The following PTPRM variants were observed in gnomAD, a reference collection of about 807,000 sequenced individuals.
The protein encoded by PTPRM is receptor-type tyrosine-protein phosphatase mu.
In PTPRM, 47 loss-of-function variants were observed where a neutral mutation model predicts 186.7. The ratio of observed to expected loss-of-function variants is 0.25; its 90% confidence interval spans 0.20 to 0.32. The LOEUF (loss-of-function observed/expected upper bound fraction) is 0.32. Ranked by LOEUF, PTPRM falls within the 10% of genes least tolerant of loss-of-function variation. The pLI, the probability that PTPRM is intolerant of heterozygous loss-of-function variation, is 1.00. For missense variants in PTPRM, 1,494 were observed against 1,865.0 expected (o/e 0.80, Z 3.66); for synonymous variants, 668 against 674.9 (o/e 0.99, Z 0.16).
At chr18:7,945,253 A>G (rs918183659) in intron 5 of PTPRM, among the ~76,000 whole-genome samples, 1 of 150,826 alleles carries the variant, frequency 6.6e-6, no homozygotes, top group Non-Finnish European at 1.5e-5. Flanking sequence ...GGAGATTGAG[A>G]CCATCCTGGT....
At chr18:8,030,515 G>T (rs1399277952) in intron 7 of PTPRM, among the ~76,000 whole-genome samples, 1 of 152,180 alleles carries the variant, frequency 6.6e-6, no homozygotes, top group Non-Finnish European at 1.5e-5. Context: ...CTTAGTGCGT[G>T]TTCCGATAGT....
At chr18:7,656,483 G>A (rs2038851844) in intron 1 of PTPRM, among the ~76,000 whole-genome samples, 1 of 152,064 alleles carries the variant, frequency 6.6e-6, no homozygotes, top group South Asian at 2.1e-4. Context: ...TGTTTTGCGG[G>A]GATGAAAAGA....
intron 13 of PTPRM, among the ~76,000 whole-genome samples, chr18:8,130,383 C>T (rs1264733799): frequency 1.3e-5 from 2 of 152,174 alleles, no homozygotes; most frequent in African/African-American, 4.8e-5. Flanking sequence ...CAAGGCCAAG[C>T]ATGGTGCATC....
At chr18:8,309,448 AC>A (rs1454137093) in intron 20 of PTPRM, among the ~76,000 whole-genome samples, 4 of 152,228 alleles carry the variant, frequency 2.6e-5, no homozygotes, top group African/African-American at 9.6e-5. Context: ...ATATATTTAT[AC>A]TATTATTTTC....
chr18:8,035,209 T>C (rs1208199050), intron 7 of PTPRM, among the ~76,000 whole-genome samples: 3 of 152,212 alleles, frequency 2.0e-5, no homozygotes, highest in African/African-American at 7.2e-5. Context: ...CATTTTATTA[T>C]AAGCAGCAAT....
intron 7 of PTPRM, among the ~76,000 whole-genome samples, chr18:8,064,377 A>AT (rs35837245): frequency 0.49 from 72,786 of 148,410 alleles, 17,629 homozygotes; most frequent in Non-Finnish European, 0.53. Context: ...CTGTAAGACT[A>AT]TTTTTTTTTT....
At chr18:8,132,820 T>G (rs1168258957) in intron 13 of PTPRM, among the ~76,000 whole-genome samples, 2 of 152,206 alleles carry the variant, frequency 1.3e-5, no homozygotes, top group African/African-American at 2.4e-5. Context: ...TTGCCACTAG[T>G]ATTTATTTCC....
rs143190070 is a variant in PTPRM, at chr18:8,299,479, C to T, written c.2842+3024C>T. On this transcript the variant is annotated intron_variant, in intron 20 of 32. Coordinates refer to ENST00000580170, the MANE Select transcript of PTPRM (RefSeq NM_001105244.2). ...GCATGTGCCTGTAATCCCAGCTACT[C>T]GGGAGGCTGAGGCAAGAGAATTGCT... 2.8e-3 allele frequency among the ~76,000 whole-genome samples: 419 copies of T among 151,766 alleles called. 4 individuals are homozygous for T. Among genetic ancestry groups the T allele is most frequent in the South Asian group, 0.014 (67 of 4,794 alleles).
Position 8,069,954 on chromosome 18 carries a change from G to A in PTPRM, c.1401G>A (p.Arg467=), listed in dbSNP as rs2089358229. ...TGATCCTCATGAACCCAGAGGGCCG[G>A]AAGGAAAGCCAAGAACTCATAGTGC... ...VKLILMNPEG[R]KESQELIVQT... is the part of the protein sequence containing the mutation. Residue 467 remains arginine, a synonymous_variant, in exon 8 of 33, where the codon CGG becomes CGA. Transcript: ENST00000580170. 1 of 1,613,910 alleles carries A rather than the reference G, an allele frequency of 6.2e-7. No individual in the cohort carries two copies. Among genetic ancestry groups the A allele is most frequent in the Non-Finnish European group, 8.5e-7 (1 of 1,179,942 alleles).
At chr18:8,265,897 G>C (rs1193930311) in intron 19 of PTPRM, among the ~76,000 whole-genome samples, 1 of 152,120 alleles carries the variant, frequency 6.6e-6, no homozygotes, top group East Asian at 1.9e-4. Context: ...AGTTTCATGG[G>C]CGTATTCTCA....
intron 1 of PTPRM, among the ~76,000 whole-genome samples, chr18:7,677,480 A>G (rs2039371579): frequency 6.6e-6 from 1 of 152,164 alleles, no homozygotes; most frequent in South Asian, 2.1e-4. Context: ...CAGAAGGGCC[A>G]CTGTTTACAG....
intron 11 of PTPRM, among the ~76,000 whole-genome samples, chr18:8,098,542 T>A (rs1000980726): frequency 2.0e-5 from 3 of 152,146 alleles, no homozygotes; most frequent in Non-Finnish European, 4.4e-5. Flanking sequence ...AAAAGTTAAA[T>A]ATCATGAACC....
At chr18:8,301,445 C>A (rs867666298) in intron 20 of PTPRM, among the ~76,000 whole-genome samples, 1 of 152,172 alleles carries the variant, frequency 6.6e-6, no homozygotes, top group Non-Finnish European at 1.5e-5. Flanking sequence ...AATCTCCCTG[C>A]TAACGAGGCA....
chr18:7,625,363 C>T (rs1276431497), intron 1 of PTPRM, among the ~76,000 whole-genome samples: 1 of 152,114 alleles, frequency 6.6e-6, no homozygotes, highest in African/African-American at 2.4e-5. Flanking sequence ...TTTTAAAAGT[C>T]AAGTTGCCCA....
rs534980886 is a variant in PTPRM at position 7,586,105 on chromosome 18, T to C, written c.73+18214T>C. ...AGCAAAGTGGCCAAGATCAGGCAAA[T>C]TGTAAGGGTAGAGCTGAGATTTGAA... On this transcript the variant is annotated intron_variant, in intron 1 of 32. Transcript: ENST00000580170. Among the ~76,000 whole-genome samples, 14 of 152,310 alleles carry C rather than the reference T, an allele frequency of 9.2e-5. No homozygotes were observed. In the South Asian group the frequency reaches 2.9e-3, roughly 32 times the overall value.
chr18:8,183,017 C>T (rs1161117151), intron 14 of PTPRM, among the ~76,000 whole-genome samples: 2 of 152,246 alleles, frequency 1.3e-5, no homozygotes, highest in Non-Finnish European at 1.5e-5. Context: ...TTGTATTTAA[C>T]GATGTACTGT....
intron 14 of PTPRM, among the ~76,000 whole-genome samples, chr18:8,217,003 G>A (rs1568541189): frequency 6.6e-6 from 1 of 152,204 alleles, no homozygotes; most frequent in African/African-American, 2.4e-5. Flanking sequence ...GCTTCGCGTA[G>A]AGTAACTCTT....
At chr18:7,972,729 A>T (rs553658705) in intron 7 of PTPRM, among the ~76,000 whole-genome samples, 2 of 152,100 alleles carry the variant, frequency 1.3e-5, no homozygotes, top group Non-Finnish European at 1.5e-5. Context: ...TTTGAAAATC[A>T]CTGAAGTCAT....
chr18:8,347,971 G>C (rs2095514209), intron 23 of PTPRM, among the ~76,000 whole-genome samples: 1 of 152,226 alleles, frequency 6.6e-6, no homozygotes, highest in South Asian at 2.1e-4. Flanking sequence ...GTTTTGACAA[G>C]AGGTCATGTT....
Sources: gnomAD v4.1 joint callset for allele counts (sites outside exome capture counted in the v4.1 genomes callset) on GRCh38, gnomAD v4.1.1 for gene constraint, MANE v1.5 for transcripts, NCBI Gene and HGNC (gene_info 2026-07-23, HGNC 2026-07-21) for gene names.